The following DISP1 variants were observed in gnomAD, a reference collection of about 807,000 sequenced individuals.
DISP1 encodes the protein dispatched RND transporter family member 1.
Under a neutral mutation model 37.3 loss-of-function variants are expected in DISP1, and 30 were observed. That is an observed-to-expected ratio of 0.80 (90% CI 0.60 to 1.09). DISP1 has a LOEUF of 1.09. Among genes scored for constraint, DISP1 ranks in the 50% least tolerant of loss-of-function variants. DISP1 has a pLI of 0.00. For missense variants in DISP1, 1,598 were observed against 1,879.5 expected, an observed-to-expected ratio of 0.85 and a Z score of 2.77; for synonymous variants, 634 against 690.2, an observed-to-expected ratio of 0.92 and a Z score of 1.28.
At chr1:222,983,574 G>A (rs1572694122) in intron 4 of DISP1, among the ~76,000 whole-genome samples, 1 of 151,904 alleles carries the variant, frequency 6.6e-6, no homozygotes, top group East Asian at 1.9e-4. Flanking sequence ...CCAGGATTGT[G>A]CCACTGTACT....
At chr1:222,909,858 A>T (rs1021911628) in intron 1 of DISP1, among the ~76,000 whole-genome samples, 1 of 152,130 alleles carries the variant, frequency 6.6e-6, no homozygotes. Context: ...GAAGGAAGGG[A>T]TGGAAGCCAG....
chr1:222,846,289 C>T lies in DISP1; in HGVS notation c.-159+31211C>T, dbSNP rs566988185. On this transcript the variant is annotated intron_variant, in intron 1 of 8. Transcript: ENST00000675850. Reference sequence around the variant, plus strand: ...GGCGGATCACCTGAGGTCAGGAGTTCGAGACCAGCCTGGCCAACACGGCAA... The same window carrying T: ...GGCGGATCACCTGAGGTCAGGAGTTTGAGACCAGCCTGGCCAACACGGCAA... 7.9e-5 allele frequency among the ~76,000 whole-genome samples: 12 copies of T among 152,142 alleles called. No individual in the cohort carries two copies. The South Asian group carries it at 1.0e-3, about 13-fold the overall frequency.
intron 1 of DISP1, among the ~76,000 whole-genome samples, chr1:222,902,910 A>C (rs1558320305): frequency 6.6e-6 from 1 of 151,590 alleles, no homozygotes; most frequent in Non-Finnish European, 1.5e-5. Flanking sequence ...TCAGGGATCT[A>C]GAACTAGAAA....
At position 223,003,141 on chromosome 1, in the gene DISP1, AACTAC is replaced by A; in HGVS notation, c.1747_1751del (p.Tyr583LysfsTer3). The A allele has an allele frequency of 6.2e-7, 1 of 1,614,178 alleles. No individual in the cohort carries two copies. The highest frequency in any genetic ancestry group is 8.5e-7 in the Non-Finnish European group (1 of 1,180,040). ...TGCTTTTGTCCTGTGTGATGTTTGG[AACTAC>A]ACAAAATTTGATAAGCCTCATGCCG... is the stretch of plus-strand genomic sequence containing the variant. On this transcript the variant is annotated frameshift_variant, in exon 9 of 9. Transcript: ENST00000675850. LOFTEE classifies it low-confidence loss of function (END_TRUNC). This position sits in a 1 kb window ranked among gnomAD's most constrained non-coding sequence, Gnocchi z 4.3.
intron 1 of DISP1, among the ~76,000 whole-genome samples, chr1:222,889,678 G>A (rs1279034400): frequency 1.3e-4 from 19 of 151,772 alleles, no homozygotes; most frequent in Admixed American, 1.2e-3. Flanking sequence ...AAGAGACATG[G>A]GATAATGGGT....
intron 3 of DISP1, among the ~76,000 whole-genome samples, chr1:222,961,093 A>C (rs1178376761): frequency 6.6e-6 from 1 of 152,234 alleles, no homozygotes; most frequent in Non-Finnish European, 1.5e-5. Context: ...ACAGAAAAAG[A>C]GGGATTCCTC....
chr1:222,920,008 T>C (rs767798831), intron 1 of DISP1, among the ~76,000 whole-genome samples: 1 of 152,226 alleles, frequency 6.6e-6, no homozygotes, highest in Non-Finnish European at 1.5e-5. Flanking sequence ...GGTGTTTGTA[T>C]GCAGGTGATA....
intron 3 of DISP1, among the ~76,000 whole-genome samples, chr1:222,956,735 C>T (rs1675627351): frequency 6.6e-6 from 1 of 152,074 alleles, no homozygotes; most frequent in Non-Finnish European, 1.5e-5. Flanking sequence ...GGATTGTAGA[C>T]TTCATTCCAG....
intron 1 of DISP1, among the ~76,000 whole-genome samples, chr1:222,905,016 G>T (rs1336767188): frequency 6.6e-6 from 1 of 152,022 alleles, no homozygotes; most frequent in Non-Finnish European, 1.5e-5. Flanking sequence ...TTTATTTCAG[G>T]ACTGGTTTTA....
chr1:222,823,674 TA>T (rs1036445196), intron 1 of DISP1, among the ~76,000 whole-genome samples: 2 of 152,100 alleles, frequency 1.3e-5, no homozygotes, highest in Non-Finnish European at 2.9e-5. Flanking sequence ...TGCAAATAAA[TA>T]AAAATAAATA....
At chr1:222,908,486 A>G (rs1417534861) in intron 1 of DISP1, among the ~76,000 whole-genome samples, 2 of 151,250 alleles carry the variant, frequency 1.3e-5, no homozygotes, top group Non-Finnish European at 3.0e-5. Context: ...GCTCACTGCA[A>G]CCTCTGCCTC....
At chr1:222,851,238 G>A (rs961762409) in intron 1 of DISP1, among the ~76,000 whole-genome samples, 1 of 151,752 alleles carries the variant, frequency 6.6e-6, no homozygotes, top group Non-Finnish European at 1.5e-5. Context: ...AGCTAATTTT[G>A]TATTTTTAGT....
chr1:222,996,435 C>A (rs999492502), intron 8 of DISP1, among the ~76,000 whole-genome samples: 5 of 152,178 alleles, frequency 3.3e-5, no homozygotes, highest in Non-Finnish European at 7.4e-5. Context: ...CTAAGCCAGT[C>A]TGGTTACTTT....
At chr1:222,838,970 G>A (rs1311731082) in intron 1 of DISP1, among the ~76,000 whole-genome samples, 2 of 151,826 alleles carry the variant, frequency 1.3e-5, no homozygotes, top group Admixed American at 6.6e-5. Context: ...GCATTCCTTG[G>A]TTGTTCCTCA....
At chr1:222,826,284 TATTCCATTA>T (rs1664366570) in intron 1 of DISP1, among the ~76,000 whole-genome samples, 1 of 150,546 alleles carries the variant, frequency 6.6e-6, no homozygotes, top group Non-Finnish European at 1.5e-5. Flanking sequence ...AGTGTAGAAA[TATTCCATTA>T]GTCCTTTAAG....
chr1:222,995,669 T>C lies in DISP1; in HGVS notation c.987+687T>C, dbSNP rs143913622. ...GGGTTTGGAAGAGCTGTCAATTTCA[T>C]ATGTTCAGAGATAGTTTCTCTAAAT... On this transcript the variant is annotated intron_variant, in intron 8 of 8. Coordinates refer to ENST00000675850, the MANE Select transcript of DISP1 (RefSeq NM_001377229.1). 2.4e-3 allele frequency among the ~76,000 whole-genome samples: 366 copies of C among 152,310 alleles called. 2 individuals are homozygous for C. Among genetic ancestry groups the C allele is most frequent in the Middle Eastern group, 6.8e-3 (2 of 294 alleles).
intron 1 of DISP1, among the ~76,000 whole-genome samples, chr1:222,843,642 T>G (rs1157642870): frequency 1.3e-5 from 2 of 151,510 alleles, no homozygotes; most frequent in Non-Finnish European, 2.9e-5. Flanking sequence ...CTGAAAGGAG[T>G]GATTAATAAT....
chr1:222,891,444 G>T (rs1324304369), intron 1 of DISP1, among the ~76,000 whole-genome samples: 1 of 152,100 alleles, frequency 6.6e-6, no homozygotes, highest in African/African-American at 2.4e-5. Flanking sequence ...TAAGGATTTG[G>T]AAGTAAACTA....
intron 3 of DISP1, among the ~76,000 whole-genome samples, chr1:222,974,076 A>G (rs1371660419): frequency 6.6e-6 from 1 of 152,244 alleles, no homozygotes; most frequent in Non-Finnish European, 1.5e-5. Flanking sequence ...AGTAAATCAT[A>G]AAAGCGTACA....
Sources: gnomAD v4.1 joint callset for allele counts (sites outside exome capture counted in the v4.1 genomes callset) on GRCh38, gnomAD v4.1.1 for gene constraint, Gnocchi (gnomAD v3.1) non-coding constraint, MANE v1.5 for transcripts, NCBI Gene and HGNC (gene_info 2026-07-23, HGNC 2026-07-21) for gene names.